The following LITAF variants were observed in gnomAD, a reference collection of about 807,000 sequenced individuals.
The protein encoded by LITAF is lipopolysaccharide induced TNF factor.
LITAF carries 9 observed loss-of-function variants against 14.5 expected under a neutral mutation model. That is an observed-to-expected ratio of 0.62 (90% CI 0.37 to 1.08). LITAF has a LOEUF of 1.08. Ranked by LOEUF, LITAF falls within the 50% of genes least tolerant of loss-of-function variation. LITAF has a pLI of 0.01. For synonymous variants in LITAF, 98 were observed against 88.2 expected, an observed-to-expected ratio of 1.11 and a Z score of -0.62; for missense variants, 206 against 213.4, an observed-to-expected ratio of 0.97 and a Z score of 0.22.
intron 3 of LITAF, among the ~76,000 whole-genome samples, chr16:11,550,441 A>G (rs1237276282): frequency 1.3e-5 from 2 of 152,006 alleles, no homozygotes; most frequent in African/African-American, 2.4e-5. Context: ...GTGAGAGTTA[A>G]TATCTGTTGT....
upstream of LITAF, chr16:11,587,458 C>T (rs1205804105): frequency 2.2e-6 from 1 of 454,056 alleles, no homozygotes; most frequent in East Asian, 6.9e-5. Flanking sequence ...GGGCATGTTA[C>T]CCATCCTCTC....
chr16:11,639,296 G>C (rs1039649729), upstream of LITAF, among the ~76,000 whole-genome samples: 2 of 151,904 alleles, frequency 1.3e-5, no homozygotes, highest in African/African-American at 4.8e-5. Flanking sequence ...TGGGTGGTTA[G>C]AGGGTGGGAG....
At chr16:11,557,310 T>A (rs1597333871) in intron 1 of LITAF, among the ~76,000 whole-genome samples, 1 of 150,218 alleles carries the variant, frequency 6.7e-6, no homozygotes, top group African/African-American at 2.5e-5. Context: ...TGGAAAGGGG[T>A]ATGAGGGGGC....
rs1040141694 is a variant in LITAF at position 11,548,137 on chromosome 16, C to T, written c.*1500G>A. On this transcript the variant is annotated 3_prime_UTR_variant, in exon 4 of 4. Coordinates refer to ENST00000622633, the MANE Select transcript of LITAF (RefSeq NM_001136472.2). ...AAGGGGGATCAATGGTTACCACTAT[C>T]GTTTTCAACCAATATACAGATGTTC... is the stretch of plus-strand genomic sequence containing the variant. 6.6e-6 allele frequency: 3 copies of T among 454,006 alleles called. No homozygotes were observed. Among genetic ancestry groups the T allele is most frequent in the East Asian group, 6.9e-5 (1 of 14,410 alleles). 28.1% of individuals were successfully genotyped at this position (454,006 alleles called of 1,614,324 possible).
At chr16:11,564,985 T>G (rs1597341156) in intron 1 of LITAF, among the ~76,000 whole-genome samples, 1 of 149,742 alleles carries the variant, frequency 6.7e-6, no homozygotes, top group Non-Finnish European at 1.5e-5. Flanking sequence ...TGCTACGAAC[T>G]TACTAAATGC....
chr16:11,560,848 A>C (rs1299099707), intron 1 of LITAF, among the ~76,000 whole-genome samples: 1 of 152,192 alleles, frequency 6.6e-6, no homozygotes, highest in Non-Finnish European at 1.5e-5. Context: ...GCTCTGGTTT[A>C]ACACTGAGAC....
chr16:11,575,969 C>T (rs2064626060), intron 1 of LITAF, among the ~76,000 whole-genome samples: 1 of 152,222 alleles, frequency 6.6e-6, no homozygotes, highest in Non-Finnish European at 1.5e-5. Context: ...CAGCCTTGAA[C>T]TCCTGGGTTC....
At chr16:11,565,455 G>T (rs1248526212) in intron 1 of LITAF, among the ~76,000 whole-genome samples, 1 of 123,260 alleles carries the variant, frequency 8.1e-6, no homozygotes, top group African/African-American at 2.9e-5. Context: ...GCGGGGGGGT[G>T]GGGGGAGGTG....
chr16:11,595,237 AT>A (rs2064875901), intron 1 of LITAF, among the ~76,000 whole-genome samples: 4 of 152,318 alleles, frequency 2.6e-5, no homozygotes, highest in Admixed American at 6.5e-5. Flanking sequence ...CAGCTGAGTT[AT>A]GCAGATGGGG....
chr16:11,548,403 G>T lies in LITAF; in HGVS notation c.*1234C>A, dbSNP rs1399283662. 6.6e-6 allele frequency: 3 copies of T among 453,814 alleles called. No homozygotes were observed. Among genetic ancestry groups the T allele is most frequent in the Non-Finnish European group, 1.3e-5 (3 of 226,778 alleles). 28.1% of individuals were successfully genotyped at this position (453,814 alleles called of 1,614,324 possible). On this transcript the variant is annotated 3_prime_UTR_variant, in exon 4 of 4. Coordinates refer to ENST00000622633, the MANE Select transcript of LITAF (RefSeq NM_001136472.2). ...TCAGACTTTAGATTCCTCTGAAACA[G>T]TTCTGGTTCCCAAGCATCCGCACCA...
chr16:11,617,006 G>C (rs1359373703), intron 3 of LITAF, among the ~76,000 whole-genome samples: 1 of 151,388 alleles, frequency 6.6e-6, no homozygotes, highest in African/African-American at 2.4e-5. Context: ...GATCACCTGA[G>C]GTCAGGAGTT....
chr16:11,631,484 C>T (rs935167838), intron 3 of LITAF, among the ~76,000 whole-genome samples: 1 of 152,218 alleles, frequency 6.6e-6, no homozygotes, highest in Non-Finnish European at 1.5e-5. Context: ...CAGCCACAAC[C>T]TCCCGAGCTT....
chr16:11,564,186 A>T (rs1309447237), intron 1 of LITAF, among the ~76,000 whole-genome samples: 1 of 152,156 alleles, frequency 6.6e-6, no homozygotes, highest in Non-Finnish European at 1.5e-5. Flanking sequence ...CTATGGTTAC[A>T]GGTGTGAGCC....
At position 11,548,273 on chromosome 16, in the gene LITAF, T is replaced by G. The variant is rs775642546; in HGVS notation, c.*1364A>C. The G allele has an allele frequency of 1.3e-4, 61 of 453,926 alleles. No homozygotes were observed. The highest frequency in any genetic ancestry group is 2.1e-4 in the Non-Finnish European group (47 of 226,768). 28.1% of individuals were successfully genotyped at this position (453,926 alleles called of 1,614,324 possible). A position where few individuals can be genotyped will look rare whatever the true frequency, so the allele number is the denominator to read the frequency against. On this transcript the variant is annotated 3_prime_UTR_variant, in exon 4 of 4. Transcript: ENST00000622633. ...GGTCGAGCCCAGCTTTGTCTTGACT[T>G]CAAAGATGACACAGCAGCCAACCTA...
intron 3 of LITAF, among the ~76,000 whole-genome samples, chr16:11,611,323 A>G (rs1020851321): frequency 6.6e-6 from 1 of 152,188 alleles, no homozygotes; most frequent in African/African-American, 2.4e-5. Flanking sequence ...AGCCTGGGCA[A>G]CAGAACGAGA....
intron 3 of LITAF, among the ~76,000 whole-genome samples, chr16:11,628,021 A>G (rs1051663304): frequency 6.6e-6 from 1 of 150,470 alleles, no homozygotes; most frequent in Non-Finnish European, 1.5e-5. Flanking sequence ...AAAAAAAAAA[A>G]AAAAAAAAAA....
At chr16:11,587,905 AG>A (rs1303157923), upstream of LITAF, among the ~76,000 whole-genome samples, 2 of 152,210 alleles carry the variant, frequency 1.3e-5, no homozygotes, top group Admixed American at 1.3e-4. Context: ...TTGGACAGGG[AG>A]CTTCCGAGCC....
At chr16:11,611,185 A>T (rs78692136) in intron 3 of LITAF, among the ~76,000 whole-genome samples, 1,752 of 151,960 alleles carry the variant, frequency 0.012, 17 homozygotes, top group African/African-American at 0.026. Flanking sequence ...CAAAAAAAAA[A>T]ATTTTTAATT....
chr16:11,587,850 G>A (rs777714748), upstream of LITAF, among the ~76,000 whole-genome samples: 3 of 152,186 alleles, frequency 2.0e-5, no homozygotes, highest in Non-Finnish European at 2.9e-5. Context: ...ACAGAGTCAG[G>A]AGATGGGCAG....
Sources: allele counts gnomAD v4.1 joint callset (sites outside exome capture counted in the v4.1 genomes callset), GRCh38; gene constraint gnomAD v4.1.1; transcripts MANE v1.5; gene names NCBI Gene and HGNC (gene_info 2026-07-23, HGNC 2026-07-21).